Variants in NELL1 observed in about 807,000 individuals in gnomAD.
The protein encoded by NELL1 is protein kinase C-binding protein NELL1.
In NELL1, 76 loss-of-function variants were observed where a neutral mutation model predicts 107.4. The observed-to-expected ratio is 0.71, with a 90% CI of 0.59 to 0.86. The LOEUF (loss-of-function observed/expected upper bound fraction) is 0.86. Ranked by LOEUF, NELL1 falls within the 40% of genes least tolerant of loss-of-function variation. NELL1 has a pLI of 0.00. For missense variants in NELL1, 1,024 were observed against 1,005.5 expected (o/e 1.02, Z -0.25); for synonymous variants, 353 against 341.2 (o/e 1.03, Z -0.38).
chr11:20,798,110 T>C (rs1375025694), intron 3 of NELL1, among the ~76,000 whole-genome samples: 1 of 152,144 alleles, frequency 6.6e-6, no homozygotes, highest in African/African-American at 2.4e-5. Flanking sequence ...GATGTATACT[T>C]GAGGATGGAC....
intron 15 of NELL1, among the ~76,000 whole-genome samples, chr11:21,405,327 A>G (rs566535707): frequency 1.1e-4 from 17 of 152,094 alleles, no homozygotes; most frequent in Non-Finnish European, 2.2e-4. Flanking sequence ...AGAATATAAG[A>G]GTATTTTGGC....
At chr11:21,564,149 A>G (rs1412683352) in intron 17 of NELL1, among the ~76,000 whole-genome samples, 1 of 151,974 alleles carries the variant, frequency 6.6e-6, no homozygotes, top group Non-Finnish European at 1.5e-5. Context: ...GGCAGGGCCC[A>G]GTCAAGGTCT....
chr11:21,335,456 A>T (rs1850369102), intron 14 of NELL1, among the ~76,000 whole-genome samples: 1 of 152,054 alleles, frequency 6.6e-6, no homozygotes, highest in African/African-American at 2.4e-5. Context: ...TAATCAAGGA[A>T]TTGTCAATAA....
chr11:21,528,036 C>T (rs1354704270), intron 15 of NELL1, among the ~76,000 whole-genome samples: 1 of 152,126 alleles, frequency 6.6e-6, no homozygotes, highest in Non-Finnish European at 1.5e-5. Flanking sequence ...ATCAAATTGA[C>T]ACTCAATATG....
At chr11:20,924,319 C>T (rs1176838898) in intron 7 of NELL1, among the ~76,000 whole-genome samples, 1 of 152,066 alleles carries the variant, frequency 6.6e-6, no homozygotes, top group Admixed American at 6.6e-5. Context: ...GCCTTAACAT[C>T]CCTTTGCCTT....
chr11:20,925,438 CTT>C (rs869078958), intron 7 of NELL1, among the ~76,000 whole-genome samples: 46,533 of 121,460 alleles, frequency 0.38, 7,445 homozygotes, highest in East Asian at 0.42. Context: ...CCACACCCGG[CTT>C]TTTTTTTTTT....
chr11:21,008,502 T>C (rs1380154982), intron 12 of NELL1, among the ~76,000 whole-genome samples: 1 of 152,146 alleles, frequency 6.6e-6, no homozygotes, highest in Non-Finnish European at 1.5e-5. Context: ...AGGCGCTGTA[T>C]TATAGTAATT....
At chr11:21,217,809 A>G (rs1466319248) in intron 13 of NELL1, among the ~76,000 whole-genome samples, 7 of 152,214 alleles carry the variant, frequency 4.6e-5, no homozygotes, top group Non-Finnish European at 1.0e-4. Context: ...TTGTAGCCAC[A>G]GTAGAAATGT....
At chr11:20,937,641 T>A in intron 9 of NELL1, 145 bp from the exon 10 acceptor site, 1 of 639,384 alleles carries the variant, frequency 1.6e-6, no homozygotes. Flanking sequence ...TCCACACAAT[T>A]CCTTTCACTT....
In NELL1 at chr11:21,481,541, C is replaced by T. The variant is rs1256274169; in HGVS notation, c.1646-52833C>T. Among the ~76,000 whole-genome samples, 5 of 152,278 alleles carry T rather than the reference C, an allele frequency of 3.3e-5. No homozygotes were observed. In the East Asian group the frequency reaches 7.7e-4, roughly 23 times the overall value. ...TTCTCTCAAGACCTGCTAGATATTT[C>T]CTAAGAGCACAAGTAAATGAAACAG... On this transcript the variant is annotated intron_variant, in intron 15 of 19. Coordinates refer to ENST00000357134, the MANE Select transcript of NELL1 (RefSeq NM_006157.5).
chr11:21,156,091 T>C (rs1856226463), intron 13 of NELL1, among the ~76,000 whole-genome samples: 1 of 152,132 alleles, frequency 6.6e-6, no homozygotes, highest in East Asian at 1.9e-4. Context: ...GTGTTTATGC[T>C]ACTAGCCACT....
At chr11:21,071,450 C>T (rs1316193760) in intron 12 of NELL1, among the ~76,000 whole-genome samples, 1 of 152,150 alleles carries the variant, frequency 6.6e-6, no homozygotes, top group Non-Finnish European at 1.5e-5. Context: ...GTATCATTAT[C>T]ATTAAGTTAC....
At chr11:21,091,010 T>G (rs1456585096) in intron 12 of NELL1, among the ~76,000 whole-genome samples, 1 of 152,222 alleles carries the variant, frequency 6.6e-6, no homozygotes, top group African/African-American at 2.4e-5. Context: ...AAAAATGCCT[T>G]GCAGAATCAT....
At chr11:21,035,832 G>A (rs1232724486) in intron 12 of NELL1, among the ~76,000 whole-genome samples, 1 of 152,094 alleles carries the variant, frequency 6.6e-6, no homozygotes, top group East Asian at 1.9e-4. Context: ...ACAAGACAAG[G>A]GATGCCCTCT....
intron 5 of NELL1, among the ~76,000 whole-genome samples, chr11:20,901,611 A>G (rs79461895): frequency 0.023 from 3,363 of 149,186 alleles, 56 homozygotes; most frequent in Non-Finnish European, 0.034. Context: ...TAAAATTTTT[A>G]GGGAAGACCA....
At chr11:20,732,472 C>A (rs1309334937) in intron 2 of NELL1, among the ~76,000 whole-genome samples, 1 of 152,066 alleles carries the variant, frequency 6.6e-6, no homozygotes, top group Non-Finnish European at 1.5e-5. Flanking sequence ...GGAGGAAATA[C>A]AGATATATGT....
intron 15 of NELL1, among the ~76,000 whole-genome samples, chr11:21,406,319 G>A (rs1187245045): frequency 6.6e-6 from 1 of 151,886 alleles, no homozygotes. Context: ...TAATCATACT[G>A]TCTCTTGAAT....
chr11:20,809,751 T>A (rs537187810), intron 3 of NELL1, among the ~76,000 whole-genome samples: 173 of 152,354 alleles, frequency 1.1e-3, no homozygotes, highest in Non-Finnish European at 2.1e-3. Context: ...ATACCACATA[T>A]TTTAAACACA....
At chr11:21,446,383 A>G (rs766653223) in intron 15 of NELL1, among the ~76,000 whole-genome samples, 4 of 151,252 alleles carry the variant, frequency 2.6e-5, no homozygotes, top group Non-Finnish European at 5.9e-5. Flanking sequence ...GTTTTCCTGG[A>G]CCATTTTATG....
Sources: gnomAD v4.1 joint callset for allele counts (sites outside exome capture counted in the v4.1 genomes callset) on GRCh38, gnomAD v4.1.1 for gene constraint, MANE v1.5 for transcripts, NCBI Gene and HGNC (gene_info 2026-07-23, HGNC 2026-07-21) for gene names.